Variants in PLCB1 observed in about 807,000 individuals in gnomAD.
PLCB1 encodes phospholipase C beta 1, also known as 1-phosphatidylinositol 4,5-bisphosphate phosphodiesterase beta-1.
Under a neutral mutation model 161.8 loss-of-function variants are expected in PLCB1, and 46 were observed. That is an observed-to-expected ratio of 0.28 (90% CI 0.22 to 0.36). PLCB1 has a LOEUF of 0.36. Ranked by LOEUF, PLCB1 falls within the 10% of genes least tolerant of loss-of-function variation. The pLI is 1.00. For synonymous variants in PLCB1, 517 were observed against 503.7 expected, an observed-to-expected ratio of 1.03 and a Z score of -0.35; for missense variants, 1,016 against 1,472.5, an observed-to-expected ratio of 0.69 and a Z score of 5.07.
At chr20:8,174,428 T>G (rs2123074843) in intron 2 of PLCB1, among the ~76,000 whole-genome samples, 1 of 152,242 alleles carries the variant, frequency 6.6e-6, no homozygotes, top group South Asian at 2.1e-4. Flanking sequence ...AAACTGGAAT[T>G]TGTAAGTAGC....
At chr20:8,522,099 C>A (rs376166582) in intron 3 of PLCB1, among the ~76,000 whole-genome samples, 4 of 152,122 alleles carry the variant, frequency 2.6e-5, no homozygotes, top group African/African-American at 9.7e-5. Flanking sequence ...TGCTACTATC[C>A]CCATGCACCC....
chr20:8,748,829 G>T (rs1465341014), intron 23 of PLCB1, among the ~76,000 whole-genome samples: 5 of 152,186 alleles, frequency 3.3e-5, no homozygotes, highest in Non-Finnish European at 7.3e-5. Flanking sequence ...CTTGCCACAG[G>T]GGGACAAAGC....
At chr20:8,353,029 A>G (rs763198754) in intron 2 of PLCB1, among the ~76,000 whole-genome samples, 15 of 152,148 alleles carry the variant, frequency 9.9e-5, no homozygotes, top group Non-Finnish European at 1.8e-4. Flanking sequence ...TTTGGTATCA[A>G]TGAGCATAAC....
At chr20:8,342,179 G>C (rs937888228) in intron 2 of PLCB1, among the ~76,000 whole-genome samples, 1 of 152,180 alleles carries the variant, frequency 6.6e-6, no homozygotes, top group Non-Finnish European at 1.5e-5. Context: ...ATCACACACA[G>C]TGAGGAATTC....
At chr20:8,723,740 G>A (rs1268082426) in intron 15 of PLCB1, among the ~76,000 whole-genome samples, 2 of 152,036 alleles carry the variant, frequency 1.3e-5, no homozygotes, top group Non-Finnish European at 1.5e-5. Flanking sequence ...AAGGTTGCCC[G>A]GTTTCTAACT....
chr20:8,284,655 A>T (rs889208036), intron 2 of PLCB1, among the ~76,000 whole-genome samples: 2 of 152,170 alleles, frequency 1.3e-5, no homozygotes. Context: ...TCCTCTTGAA[A>T]TTGCCCCCCA....
At chr20:8,582,776 C>T (rs774973561) in intron 3 of PLCB1, among the ~76,000 whole-genome samples, 1 of 152,098 alleles carries the variant, frequency 6.6e-6, no homozygotes, top group Non-Finnish European at 1.5e-5. Context: ...TCACTTGAGG[C>T]TAGGAGTTCC....
chr20:8,436,414 G>C (rs1234483419), intron 3 of PLCB1, among the ~76,000 whole-genome samples: 3 of 148,212 alleles, frequency 2.0e-5, no homozygotes, highest in Non-Finnish European at 4.4e-5. Context: ...AGAAAATCTG[G>C]ACTTCTTAAG....
At chr20:8,346,435 C>T (rs549563820) in intron 2 of PLCB1, among the ~76,000 whole-genome samples, 27 of 152,358 alleles carry the variant, frequency 1.8e-4, no homozygotes, top group African/African-American at 6.5e-4. Context: ...AGGAGCTTTG[C>T]ACCAAAGCAA....
intron 9 of PLCB1, among the ~76,000 whole-genome samples, chr20:8,673,600 A>G (rs897803955): frequency 3.3e-5 from 5 of 152,094 alleles, no homozygotes; most frequent in African/African-American, 1.2e-4. Flanking sequence ...TGAGCTGTTC[A>G]TTGCATTTCT....
chr20:8,420,456 G>A (rs377656172), intron 3 of PLCB1, among the ~76,000 whole-genome samples: 2 of 152,180 alleles, frequency 1.3e-5, no homozygotes, highest in African/African-American at 4.8e-5. Flanking sequence ...TGATGGTGAC[G>A]TTTAGGTTTC....
At chr20:8,845,111 C>T (rs1568622524) in intron 31 of PLCB1, among the ~76,000 whole-genome samples, 2 of 146,316 alleles carry the variant, frequency 1.4e-5, no homozygotes, top group South Asian at 4.3e-4. Context: ...AAGACTCTGT[C>T]TCAAAAAAAT....
chr20:8,602,977 T>C (rs1319574270), intron 3 of PLCB1, among the ~76,000 whole-genome samples: 1 of 152,168 alleles, frequency 6.6e-6, no homozygotes, highest in Non-Finnish European at 1.5e-5. Flanking sequence ...TTAGCATTGC[T>C]TACTTTTGTA....
intron 10 of PLCB1, among the ~76,000 whole-genome samples, chr20:8,692,749 C>T (rs6140692): frequency 6.6e-6 from 1 of 152,126 alleles, no homozygotes; most frequent in Non-Finnish European, 1.5e-5. Context: ...CATTACCTCC[C>T]TGTGAACCAA....
At chr20:8,684,808 A>C in intron 9 of PLCB1, 124 bp from the exon 10 acceptor site, 1 of 619,724 alleles carries the variant, frequency 1.6e-6, no homozygotes, top group Non-Finnish European at 2.8e-6. Flanking sequence ...ACTCTTATTT[A>C]TCCATACTAA....
At chr20:8,417,026 TACACACACAC>T (rs5840263) in intron 3 of PLCB1, among the ~76,000 whole-genome samples, 1,263 of 66,456 alleles carry the variant, frequency 0.019, 80 homozygotes, top group African/African-American at 0.068. Flanking sequence ...TATATGTGTA[TACACACACAC>T]ACACACACAC....
intron 3 of PLCB1, among the ~76,000 whole-genome samples, chr20:8,584,274 G>A (rs1290300553): frequency 6.6e-6 from 1 of 152,034 alleles, no homozygotes; most frequent in East Asian, 1.9e-4. Flanking sequence ...ACACAAAGTA[G>A]GAATTCTGTA....
At chr20:8,410,639 A>C (rs765906130) in intron 3 of PLCB1, among the ~76,000 whole-genome samples, 1 of 151,844 alleles carries the variant, frequency 6.6e-6, no homozygotes. Flanking sequence ...TTTTATTTTT[A>C]AGTTAATTTG....
At chr20:8,463,408 A>ATACT (rs1981679044) in intron 3 of PLCB1, among the ~76,000 whole-genome samples, 1 of 152,036 alleles carries the variant, frequency 6.6e-6, no homozygotes, top group African/African-American at 2.4e-5. Context: ...TCTTACAGTC[A>ATACT]TACTACATAC....
Sources: gnomAD v4.1 joint callset for allele counts (sites outside exome capture counted in the v4.1 genomes callset) on GRCh38, gnomAD v4.1.1 for gene constraint, MANE v1.5 for transcripts, NCBI Gene and HGNC (gene_info 2026-07-23, HGNC 2026-07-21) for gene names.